The following ROBO1 variants were observed in gnomAD, a reference collection of about 807,000 sequenced individuals.
The protein encoded by ROBO1 is roundabout guidance receptor 1.
In ROBO1, 149 loss-of-function variants were observed where a neutral mutation model predicts 195.9. The ratio of observed to expected loss-of-function variants is 0.76; its 90% confidence interval spans 0.67 to 0.87. The LOEUF is 0.87. Among genes scored for constraint, ROBO1 ranks in the 40% least tolerant of loss-of-function variants. The pLI is 0.00. For missense variants in ROBO1, 1,933 were observed against 2,068.3 expected, an observed-to-expected ratio of 0.93 and a Z score of 1.27; for synonymous variants, 816 against 733.2, an observed-to-expected ratio of 1.11 and a Z score of -1.82.
rs375515209 is a variant in ROBO1, at chr3:78,614,727, G to T, written c.4356C>A (p.Ala1452=). The change falls in exon 28 of 31, where the codon GCC becomes GCA. Residue 1452 remains alanine, a synonymous_variant. Transcript: ENST00000464233. ...CTGGTCTGGTTTTCTGCATTACGGC[G>T]GCACTCATGTTGCTGTCTGTAGACA... The part of the protein sequence containing the change: ...SPVSTDSNMS[A]AVMQKTRPAK... 1 of 1,613,278 alleles carries T rather than the reference G, an allele frequency of 6.2e-7. No homozygotes were observed. The highest frequency in any genetic ancestry group is 8.5e-7 in the Non-Finnish European group (1 of 1,179,764).
intron 27 of ROBO1, among the ~76,000 whole-genome samples, chr3:78,616,764 T>A (rs1176800463): frequency 6.6e-6 from 1 of 152,108 alleles, no homozygotes; most frequent in Non-Finnish European, 1.5e-5. Context: ...CACACAAAAA[T>A]ATGTATGGGA....
intron 4 of ROBO1, among the ~76,000 whole-genome samples, chr3:78,776,917 A>T (rs333477): frequency 0.97 from 147,370 of 152,286 alleles, 71,488 homozygotes; most frequent in East Asian, 1. Flanking sequence ...AAATTATACA[A>T]GACACACTTA....
At chr3:79,518,276 C>T (rs1193952279) in intron 2 of ROBO1, among the ~76,000 whole-genome samples, 1 of 151,950 alleles carries the variant, frequency 6.6e-6, no homozygotes, top group Non-Finnish European at 1.5e-5. Context: ...GAAAAAAATG[C>T]ATAGGGTAAG....
chr3:79,128,330 A>AC (rs2080256438), intron 2 of ROBO1, among the ~76,000 whole-genome samples: 1 of 151,856 alleles, frequency 6.6e-6, no homozygotes, highest in Non-Finnish European at 1.5e-5. Context: ...TGTGTCTGTC[A>AC]CCCCCATTAT....
At chr3:78,605,983 T>C (rs1162854149) in intron 29 of ROBO1, among the ~76,000 whole-genome samples, 1 of 152,206 alleles carries the variant, frequency 6.6e-6, no homozygotes, top group Non-Finnish European at 1.5e-5. Context: ...ATTTTATACT[T>C]AGAGTGTTAC....
chr3:79,052,649 C>T (rs546713423), intron 3 of ROBO1, among the ~76,000 whole-genome samples: 2 of 152,094 alleles, frequency 1.3e-5, no homozygotes, highest in Non-Finnish European at 2.9e-5. Flanking sequence ...AAATTTCTCT[C>T]TTTTGTGCTC....
intron 1 of ROBO1, among the ~76,000 whole-genome samples, chr3:79,696,456 T>C (rs1161701802): frequency 7.6e-6 from 1 of 132,096 alleles, no homozygotes; most frequent in Non-Finnish European, 1.7e-5. Context: ...TATATCTAAA[T>C]AATATATATA....
chr3:79,369,319 T>C (rs758708249), intron 2 of ROBO1, among the ~76,000 whole-genome samples: 1 of 152,166 alleles, frequency 6.6e-6, no homozygotes, highest in Non-Finnish European at 1.5e-5. Context: ...AAAATAAACA[T>C]GGGCACAACT....
chr3:78,877,970 G>A (rs1314345266), intron 4 of ROBO1, among the ~76,000 whole-genome samples: 6 of 152,050 alleles, frequency 3.9e-5, no homozygotes, highest in Admixed American at 2.6e-4. Flanking sequence ...ATTTGTGCAG[G>A]CATCTGGCTT....
At chr3:78,659,534 C>T (rs1346368143) in intron 17 of ROBO1, among the ~76,000 whole-genome samples, 152 bp downstream of exon 17, 2 of 152,098 alleles carry the variant, frequency 1.3e-5, no homozygotes, top group African/African-American at 4.8e-5. Context: ...ACTGAATAAA[C>T]AAGAAAGCGT....
intron 1 of ROBO1, among the ~76,000 whole-genome samples, chr3:79,612,297 G>A (rs549507520): frequency 9.1e-4 from 133 of 146,372 alleles, no homozygotes; most frequent in Non-Finnish European, 1.8e-3. Flanking sequence ...TTTTGTTCTT[G>A]CGATAGTTTA....
chr3:79,257,110 G>C (rs906301360), intron 2 of ROBO1, among the ~76,000 whole-genome samples: 2 of 152,252 alleles, frequency 1.3e-5, no homozygotes, highest in African/African-American at 2.4e-5. Context: ...AAGTAAGTTT[G>C]AAATTGTAAT....
intron 4 of ROBO1, among the ~76,000 whole-genome samples, chr3:78,884,173 A>T (rs1398912895): frequency 6.6e-6 from 1 of 152,214 alleles, no homozygotes; most frequent in African/African-American, 2.4e-5. Flanking sequence ...ATGTTATTAT[A>T]CAGCTAATGA....
chr3:78,653,346 C>T (rs1335087008), intron 18 of ROBO1, among the ~76,000 whole-genome samples: 3 of 152,074 alleles, frequency 2.0e-5, no homozygotes, highest in African/African-American at 4.8e-5. Flanking sequence ...ACCCCAGTGA[C>T]CCCACACCCC....
chr3:79,738,905 A>G (rs768363668), intron 1 of ROBO1, among the ~76,000 whole-genome samples: 4 of 152,198 alleles, frequency 2.6e-5, no homozygotes, highest in African/African-American at 4.8e-5. Flanking sequence ...AATGTGATAC[A>G]TATTATAGAA....
At chr3:79,534,701 G>T (rs1941790000) in intron 2 of ROBO1, among the ~76,000 whole-genome samples, 1 of 152,014 alleles carries the variant, frequency 6.6e-6, no homozygotes. Flanking sequence ...TCAGCCTCCG[G>T]GGCTGTTGTT....
intron 2 of ROBO1, among the ~76,000 whole-genome samples, chr3:79,143,638 A>C (rs2080581077): frequency 6.6e-6 from 1 of 152,060 alleles, no homozygotes; most frequent in Non-Finnish European, 1.5e-5. Flanking sequence ...TCCTACCATA[A>C]AAACTTTTCA....
At chr3:79,250,618 G>A (rs1160986385) in intron 2 of ROBO1, among the ~76,000 whole-genome samples, 1 of 151,806 alleles carries the variant, frequency 6.6e-6, no homozygotes, top group Admixed American at 6.6e-5. Flanking sequence ...AGTCTATACT[G>A]CCATAGCTTT....
intron 4 of ROBO1, among the ~76,000 whole-genome samples, chr3:78,788,439 TTA>T (rs1491108198): frequency 8.2e-5 from 9 of 110,346 alleles, no homozygotes; most frequent in African/African-American, 2.8e-4. Context: ...TTTTTTTTTT[TTA>T]AAAAAAAAAA....
Sources: gnomAD v4.1 joint callset for allele counts (sites outside exome capture counted in the v4.1 genomes callset) on GRCh38, gnomAD v4.1.1 for gene constraint, MANE v1.5 for transcripts, NCBI Gene and HGNC (gene_info 2026-07-23, HGNC 2026-07-21) for gene names.